FAM78B: variants seen among roughly 807,000 people sequenced by gnomAD.
The protein encoded by FAM78B is protein FAM78B.
Under a neutral mutation model 20.0 loss-of-function variants are expected in FAM78B, and 10 were observed. The observed-to-expected ratio is 0.50, with a 90% CI of 0.31 to 0.85. The LOEUF (loss-of-function observed/expected upper bound fraction) is 0.85, where lower values mean the gene tolerates loss of function less well. FAM78B is among the 40% of genes least tolerant of loss of function. The pLI is 0.05. For synonymous variants in FAM78B, 135 were observed against 132.8 expected, an observed-to-expected ratio of 1.02 and a Z score of -0.12; for missense variants, 283 against 345.0, an observed-to-expected ratio of 0.82 and a Z score of 1.42.
chr1:166,115,771 G>A (rs1334779337), intron 1 of FAM78B, among the ~76,000 whole-genome samples: 1 of 152,180 alleles, frequency 6.6e-6, no homozygotes, highest in Non-Finnish European at 1.5e-5. Context: ...AGGAACAGTT[G>A]TGAAATAAGC....
chr1:166,124,376 A>G (rs1654568903), intron 1 of FAM78B, among the ~76,000 whole-genome samples: 1 of 152,218 alleles, frequency 6.6e-6, no homozygotes, highest in Non-Finnish European at 1.5e-5. Context: ...GATGATAACA[A>G]CAAAAACAAA....
intron 1 of FAM78B, among the ~76,000 whole-genome samples, chr1:166,108,511 T>C (rs998000336): frequency 6.6e-6 from 1 of 152,100 alleles, no homozygotes; most frequent in African/African-American, 2.4e-5. Context: ...AGATCATAGA[T>C]GACATGAACA....
At chr1:166,150,327 C>T (rs1655628592) in intron 1 of FAM78B, among the ~76,000 whole-genome samples, 1 of 152,172 alleles carries the variant, frequency 6.6e-6, no homozygotes, top group African/African-American at 2.4e-5. Context: ...ATCAAAGAGC[C>T]TTGCCTAGAT....
chr1:166,089,859 G>A (rs1213247253), intron 1 of FAM78B, among the ~76,000 whole-genome samples: 2 of 152,138 alleles, frequency 1.3e-5, no homozygotes, highest in East Asian at 1.9e-4. Context: ...TAACATAACC[G>A]CGGTGGGGGT....
intron 1 of FAM78B, among the ~76,000 whole-genome samples, chr1:166,117,155 TC>T (rs986506152): frequency 5.3e-5 from 8 of 152,178 alleles, no homozygotes; most frequent in African/African-American, 1.9e-4. Flanking sequence ...TCTGCTGTTT[TC>T]CCCCTTAGTT....
chr1:166,067,082 T>C (rs1651824361), downstream of FAM78B, among the ~76,000 whole-genome samples: 1 of 152,194 alleles, frequency 6.6e-6, no homozygotes, highest in Non-Finnish European at 1.5e-5. Context: ...ACGGATCCAA[T>C]TGTCTCTAGT....
Position 166,166,372 on chromosome 1 carries a change from C to T in FAM78B, c.-124G>A. On this transcript the variant is annotated 5_prime_UTR_variant, in exon 1 of 2. The change creates a new upstream start codon in the 5' untranslated region. Coordinates refer to ENST00000354422, the MANE Select transcript of FAM78B (RefSeq NM_001017961.5). ...CGCTCCCGGTCAGACTCAGCTCGCACCTAGGAGCGGGGAGCCGCCGGGCAT... is the reference window on the plus strand; with the variant it reads ...CGCTCCCGGTCAGACTCAGCTCGCATCTAGGAGCGGGGAGCCGCCGGGCAT... 2 of 910,448 alleles carry T rather than the reference C, an allele frequency of 2.2e-6. No homozygotes were observed. The highest frequency in any genetic ancestry group is 2.7e-6 in the Non-Finnish European group (2 of 751,136). The allele number at this position is 910,448 out of a possible 1,614,324, so 56.4% of individuals were successfully genotyped here. A position where few individuals can be genotyped will look rare whatever the true frequency, so the allele number is the denominator to read the frequency against.
At chr1:166,065,794 C>G (rs181815111), downstream of FAM78B, among the ~76,000 whole-genome samples, 4 of 152,358 alleles carry the variant, frequency 2.6e-5, no homozygotes, top group East Asian at 1.9e-4. Context: ...GTAAAAATAT[C>G]TGTGTGCACA....
downstream of FAM78B, among the ~76,000 whole-genome samples, chr1:166,064,394 TG>T (rs1400600456): frequency 1.3e-5 from 2 of 152,156 alleles, no homozygotes; most frequent in Non-Finnish European, 2.9e-5. Flanking sequence ...AAAATGCAGC[TG>T]TTCCTGGCTG....
At chr1:166,158,644 C>T (rs573456763) in intron 1 of FAM78B, among the ~76,000 whole-genome samples, 1 of 152,360 alleles carries the variant, frequency 6.6e-6, no homozygotes, top group Admixed American at 6.5e-5. Flanking sequence ...CACACTCACA[C>T]CTTCTTCACT....
chr1:166,122,373 A>G (rs1034414873), intron 1 of FAM78B, among the ~76,000 whole-genome samples: 2 of 152,210 alleles, frequency 1.3e-5, no homozygotes, highest in Non-Finnish European at 2.9e-5. Flanking sequence ...CAAGCCAAAG[A>G]AAAGAGATCT....
At chr1:166,063,120 A>G (rs1346001912) in intron 2 of FAM78B, among the ~76,000 whole-genome samples, 2 of 152,204 alleles carry the variant, frequency 1.3e-5, no homozygotes, top group Non-Finnish European at 2.9e-5. Flanking sequence ...CTAAGCAGGC[A>G]TTTCCCCAGG....
At chr1:166,067,404 T>TTG (rs370137115), downstream of FAM78B, among the ~76,000 whole-genome samples, 1 of 151,860 alleles carries the variant, frequency 6.6e-6, no homozygotes, top group African/African-American at 2.4e-5. Context: ...AAGCCATGTG[T>TTG]TGTGTGTGTG....
chr1:166,109,892 A>ATATG (rs1553219497), intron 1 of FAM78B, among the ~76,000 whole-genome samples: 8 of 41,892 alleles, frequency 1.9e-4, no homozygotes, highest in Non-Finnish European at 2.7e-4. Flanking sequence ...GTATATATGT[A>ATATG]TATATATATA....
chr1:166,105,405 A>T (rs369701619), intron 1 of FAM78B, among the ~76,000 whole-genome samples: 1 of 152,034 alleles, frequency 6.6e-6, no homozygotes, highest in Admixed American at 6.6e-5. Context: ...AACTACCATC[A>T]GAGTGAACAG....
At chr1:166,132,804 T>G (rs1229424481) in intron 1 of FAM78B, among the ~76,000 whole-genome samples, 1 of 152,238 alleles carries the variant, frequency 6.6e-6, no homozygotes, top group Non-Finnish European at 1.5e-5. Context: ...TGTTATTTTA[T>G]GCCCCATATT....
In FAM78B at chr1:166,141,290, T is replaced by C. The variant is rs559608124; in HGVS notation, c.263+24696A>G. 7.9e-5 allele frequency among the ~76,000 whole-genome samples: 12 copies of C among 152,346 alleles called. No individual in the cohort carries two copies. In the South Asian group the frequency reaches 1.9e-3, roughly 24 times the overall value. On this transcript the variant is annotated intron_variant, in intron 1 of 1. Transcript: ENST00000354422. ...GATGCATGTACAGTGAGACAAATGG[T>C]TGAGAGGGCAGGTGCCAACCCTGAC...
chr1:166,106,981 C>G (rs1653812499), intron 1 of FAM78B, among the ~76,000 whole-genome samples: 1 of 151,938 alleles, frequency 6.6e-6, no homozygotes, highest in South Asian at 2.1e-4. Flanking sequence ...CTACCGAAAT[C>G]TCTGGGATAC....
In FAM78B at chr1:166,069,445, C is replaced by T. The variant is rs909033186; in HGVS notation, c.*796G>A. ...CAAAATCAAGTTAGTTAGGATTTCA[C>T]TAAAACATGGACAGGGCCCCAAATA... On this transcript the variant is annotated 3_prime_UTR_variant, in exon 2 of 2. Transcript: ENST00000354422. The T allele has an allele frequency of 6.6e-6, 1 of 152,114 alleles. No individual in the cohort carries two copies. The highest frequency in any genetic ancestry group is 2.4e-5 in the African/African-American group (1 of 41,392). 9.4% of individuals were successfully genotyped at this position (152,114 alleles called of 1,614,324 possible). A position where few individuals can be genotyped will look rare whatever the true frequency, so the allele number is the denominator to read the frequency against.
Sources: allele counts gnomAD v4.1 joint callset (sites outside exome capture counted in the v4.1 genomes callset), GRCh38; gene constraint gnomAD v4.1.1; transcripts MANE v1.5; gene names NCBI Gene and HGNC (gene_info 2026-07-23, HGNC 2026-07-21).